NRP2: variants seen among roughly 807,000 people sequenced by gnomAD.
NRP2 encodes the protein neuropilin-2.
Under a neutral mutation model 110.4 loss-of-function variants are expected in NRP2, and 52 were observed. That is an observed-to-expected ratio of 0.47 (90% CI 0.38 to 0.59). NRP2 has a LOEUF of 0.59. NRP2 is among the 20% of genes least tolerant of loss of function. The pLI, the probability that NRP2 is intolerant of heterozygous loss-of-function variation, is 0.00. For missense variants in NRP2, 1,049 were observed against 1,203.0 expected, an observed-to-expected ratio of 0.87 and a Z score of 1.89; for synonymous variants, 508 against 468.9, an observed-to-expected ratio of 1.08 and a Z score of -1.08.
At chr2:205,759,004 G>T (rs1268820453) in intron 12 of NRP2, among the ~76,000 whole-genome samples, 2 of 152,144 alleles carry the variant, frequency 1.3e-5, no homozygotes, top group African/African-American at 4.8e-5. Context: ...TCTGACAGTG[G>T]TGGGCCATAA....
chr2:205,711,645 G>A (rs1051260037), intron 2 of NRP2, among the ~76,000 whole-genome samples: 3 of 152,200 alleles, frequency 2.0e-5, no homozygotes, highest in African/African-American at 7.2e-5. Flanking sequence ...TGCTTGGTTG[G>A]CAAAGGTTAT....
At chr2:205,794,087 CTAATG>C (rs1453118904) in intron 16 of NRP2, among the ~76,000 whole-genome samples, 1 of 152,130 alleles carries the variant, frequency 6.6e-6, no homozygotes, top group Non-Finnish European at 1.5e-5. Context: ...CAGAGCTTAC[CTAATG>C]TAAGTCAAAT....
intron 7 of NRP2, among the ~76,000 whole-genome samples, chr2:205,734,363 C>T (rs1287432841): frequency 6.6e-6 from 1 of 151,484 alleles, no homozygotes; most frequent in Admixed American, 6.6e-5. Flanking sequence ...TCACAAACAA[C>T]AAAAAAAGCC....
intron 15 of NRP2, chr2:205,776,509 C>G (rs770910096): frequency 6.2e-7 from 1 of 1,606,652 alleles, no homozygotes; most frequent in Non-Finnish European, 8.5e-7. Flanking sequence ...AGAGCAAGAC[C>G]GTGGCTCGCA....
At chr2:205,791,706 G>A (rs1039622248) in intron 15 of NRP2, among the ~76,000 whole-genome samples, 5 of 152,302 alleles carry the variant, frequency 3.3e-5, no homozygotes, top group Admixed American at 2.6e-4. Flanking sequence ...AAGGTCAACA[G>A]GCATTATGAC....
rs2228642 is a variant in NRP2, at chr2:205,723,846, G to T, written c.726G>T (p.Thr242=). Residue 242 remains threonine, a synonymous_variant, in exon 5 of 17, where the codon ACG becomes ACT. Transcript: ENST00000357785. ...CACCCTCTGAACTTCGTTCATCGAC[G>T]GGGATCCTCTCCCTGACCTTTCACA... ...TKTPSELRSS[T]GILSLTFHTD... 1.2e-6 allele frequency: 2 copies of T among 1,614,178 alleles called. No individual in the cohort carries two copies. Among genetic ancestry groups the T allele is most frequent in the Non-Finnish European group, 1.7e-6 (2 of 1,180,028 alleles).
At chr2:205,698,148 G>A (rs1002412030) in intron 2 of NRP2, among the ~76,000 whole-genome samples, 3 of 150,410 alleles carry the variant, frequency 2.0e-5, no homozygotes, top group African/African-American at 4.9e-5. Flanking sequence ...GACTTCCCTC[G>A]CATCCAGCCA....
At chr2:205,718,200 T>G (rs970926569) in intron 3 of NRP2, among the ~76,000 whole-genome samples, 1 of 152,164 alleles carries the variant, frequency 6.6e-6, no homozygotes, top group African/African-American at 2.4e-5. Context: ...TCAGCCTTGG[T>G]CTCACACCAC....
intron 9 of NRP2, 192 bp downstream of exon 9, chr2:205,743,744 G>GTTTT: frequency 1.8e-6 from 2 of 1,129,534 alleles, no homozygotes; most frequent in Non-Finnish European, 2.4e-6. Flanking sequence ...TGACTCTTTT[G>GTTTT]TTTGTTTGTT....
chr2:205,724,901 A>G (rs987293961), intron 5 of NRP2, among the ~76,000 whole-genome samples: 2 of 152,094 alleles, frequency 1.3e-5, no homozygotes, highest in Admixed American at 1.3e-4. Flanking sequence ...TCCTGCCCTC[A>G]AGTGATCTGC....
chr2:205,757,008 A>G (rs998384715), intron 12 of NRP2, among the ~76,000 whole-genome samples: 13 of 152,196 alleles, frequency 8.5e-5, no homozygotes, highest in Non-Finnish European at 5.9e-5. Context: ...AGATGAGGTA[A>G]AGGGTACTAG....
At chr2:205,739,470 T>A (rs1288724307) in intron 7 of NRP2, among the ~76,000 whole-genome samples, 1 of 152,178 alleles carries the variant, frequency 6.6e-6, no homozygotes, top group Non-Finnish European at 1.5e-5. Flanking sequence ...ACACTTGGCA[T>A]GGTCTGAATA....
intron 12 of NRP2, chr2:205,761,299 C>G (rs1407885397): frequency 6.6e-6 from 1 of 152,080 alleles, no homozygotes; most frequent in Non-Finnish European, 1.5e-5. Flanking sequence ...ATAGCACTAT[C>G]TAGGGGTAGA....
At position 205,697,546 on chromosome 2, in the gene NRP2, C is replaced by G. The variant is rs767753630; in HGVS notation, c.76C>G (p.Pro26Ala). The change falls in exon 2 of 17, where the codon CCA (proline) becomes GCA (alanine). Residue 26 changes from proline to alanine, a missense_variant and splice_region_variant. Physicochemically the swap from Pro to Ala is conservative, Grantham distance 27 (BLOSUM62 -1). Coordinates refer to ENST00000357785, the MANE Select transcript of NRP2 (RefSeq NM_003872.3). ...SRHQVRGQPD[P>A]PCGGRLNSKD... ...TGGGTCGTTGATTTCTCTTTCAGACCCACCGTGCGGAGGTCGTTTGAATTC... is the reference window on the plus strand; with the variant it reads ...TGGGTCGTTGATTTCTCTTTCAGACGCACCGTGCGGAGGTCGTTTGAATTC... 1.9e-6 allele frequency: 3 copies of G among 1,613,636 alleles called. No individual in the cohort carries two copies. Among genetic ancestry groups the G allele is most frequent in the East Asian group, 4.5e-5 (2 of 44,872 alleles).
intron 7 of NRP2, among the ~76,000 whole-genome samples, chr2:205,734,099 ATGTGCATTTGGT>A (rs2057295477): frequency 6.6e-6 from 1 of 151,862 alleles, no homozygotes; most frequent in Admixed American, 6.6e-5. Flanking sequence ...AGAGTCCTAA[ATGTGCATTTGGT>A]TGTTAGACAG....
chr2:205,742,270 A>G (rs1268989874), intron 8 of NRP2, among the ~76,000 whole-genome samples: 1 of 152,224 alleles, frequency 6.6e-6, no homozygotes, highest in African/African-American at 2.4e-5. Flanking sequence ...CCACTCAATC[A>G]TTTGTTCCAC....
intron 7 of NRP2, among the ~76,000 whole-genome samples, chr2:205,730,380 A>G (rs1575597155): frequency 6.8e-6 from 1 of 146,186 alleles, no homozygotes; most frequent in Admixed American, 6.8e-5. Flanking sequence ...TTGGGGAGGG[A>G]CTTGGGGGCA....
At chr2:205,715,299 G>T (rs2056872439) in intron 2 of NRP2, among the ~76,000 whole-genome samples, 1 of 152,058 alleles carries the variant, frequency 6.6e-6, no homozygotes, top group Admixed American at 6.5e-5. Context: ...CGGAGCCAAG[G>T]GTATCTTTGA....
intron 10 of NRP2, among the ~76,000 whole-genome samples, chr2:205,748,760 C>T (rs1476456205): frequency 6.6e-6 from 1 of 152,138 alleles, no homozygotes; most frequent in Non-Finnish European, 1.5e-5. Context: ...AAGACACCAC[C>T]CCAAAACACA....
Sources: gnomAD v4.1 joint callset for allele counts (sites outside exome capture counted in the v4.1 genomes callset) on GRCh38, gnomAD v4.1.1 for gene constraint, MANE v1.5 for transcripts, NCBI Gene and HGNC (gene_info 2026-07-23, HGNC 2026-07-21) for gene names.